LYZL1: variants seen among roughly 807,000 people sequenced by gnomAD.
LYZL1 encodes the protein lysozyme-like protein 1.
In LYZL1, 16 loss-of-function variants were observed where a neutral mutation model predicts 17.9. The observed-to-expected ratio is 0.90, with a 90% CI of 0.61 to 1.36. The LOEUF (loss-of-function observed/expected upper bound fraction) is 1.36. LYZL1 is among the 40% of genes most tolerant of loss of function. The pLI is 0.00. For missense variants in LYZL1, 149 were observed against 188.4 expected, an observed-to-expected ratio of 0.79 and a Z score of 1.22; for synonymous variants, 58 against 71.8, an observed-to-expected ratio of 0.81 and a Z score of 0.97.
chr10:29,306,252 G>GA (rs1332023815), intron 3 of LYZL1, among the ~76,000 whole-genome samples: 1 of 152,062 alleles, frequency 6.6e-6, no homozygotes, highest in Non-Finnish European at 1.5e-5. Context: ...AATGTAGCTA[G>GA]AAAAAATAAG....
intron 3 of LYZL1, among the ~76,000 whole-genome samples, chr10:29,309,079 A>G (rs1390338920): frequency 1.3e-5 from 2 of 152,158 alleles, no homozygotes; most frequent in Admixed American, 6.5e-5. Flanking sequence ...CTGTAATCCC[A>G]GCACTTTGGG....
At chr10:29,293,122 CTTTTCTT>C (rs1265399120) in intron 3 of LYZL1, among the ~76,000 whole-genome samples, 22 of 96,848 alleles carry the variant, frequency 2.3e-4, no homozygotes, top group Admixed American at 5.7e-4. Flanking sequence ...TTTTTCTTTT[CTTTTCTT>C]TTTTCTTTTT....
chr10:29,301,043 G>A (rs910602833), intron 3 of LYZL1, among the ~76,000 whole-genome samples: 4 of 151,962 alleles, frequency 2.6e-5, no homozygotes, highest in Admixed American at 6.6e-5. Flanking sequence ...TGTCCCCACC[G>A]AAATCTCATC....
intron 3 of LYZL1, among the ~76,000 whole-genome samples, chr10:29,307,388 T>G (rs910551657): frequency 2.0e-5 from 3 of 152,236 alleles, no homozygotes; most frequent in South Asian, 2.1e-4. Flanking sequence ...TCTTCCTTCC[T>G]TCACTTAGCA....
intron 3 of LYZL1, 94 bp downstream of exon 3, chr10:29,292,771 T>G (rs1300268961): frequency 6.6e-7 from 1 of 1,524,492 alleles, no homozygotes; most frequent in Non-Finnish European, 8.8e-7. Context: ...AACTAAAATT[T>G]GGAGTTCAGG....
chr10:29,305,521 G>A (rs1371840617), intron 3 of LYZL1, among the ~76,000 whole-genome samples: 2 of 152,196 alleles, frequency 1.3e-5, no homozygotes, highest in Non-Finnish European at 2.9e-5. Context: ...TTTGCGTGAA[G>A]AGATTTAACA....
intron 3 of LYZL1, among the ~76,000 whole-genome samples, chr10:29,297,210 T>C (rs189859317): frequency 6.6e-6 from 1 of 150,990 alleles, no homozygotes; most frequent in East Asian, 1.9e-4. Flanking sequence ...ATTGAAGAAA[T>C]CTCTCTAAAA....
intron 1 of LYZL1, among the ~76,000 whole-genome samples, chr10:29,289,935 A>G (rs1196776425): frequency 6.6e-6 from 1 of 152,222 alleles, no homozygotes; most frequent in African/African-American, 2.4e-5. Flanking sequence ...ATGTTTCAAT[A>G]AAACTTTACA....
At chr10:29,301,253 C>T (rs1835515206) in intron 3 of LYZL1, among the ~76,000 whole-genome samples, 1 of 152,194 alleles carries the variant, frequency 6.6e-6, no homozygotes, top group Admixed American at 6.5e-5. Context: ...ATGACTTGCT[C>T]CTCCTTGCCT....
Position 29,292,514 on chromosome 10 carries a change from T to G in LYZL1, c.140-5T>G, listed in dbSNP as rs1458214523. ...TGCTGGCGTTTCTGGCTTTCCCCCCTCCAGGGATCTGCATGGCATATTATG... is the reference window on the plus strand; with the variant it reads ...TGCTGGCGTTTCTGGCTTTCCCCCCGCCAGGGATCTGCATGGCATATTATG... On this transcript the variant is annotated splice_region_variant and splice_polypyrimidine_tract_variant and intron_variant, in intron 2 of 4. Transcript: ENST00000649382. The G allele has an allele frequency of 6.2e-7, 1 of 1,612,696 alleles. No individual in the cohort carries two copies. The highest frequency in any genetic ancestry group is 1.7e-5 in the Admixed American group (1 of 59,692).
chr10:29,308,250 G>A (rs1451047564), intron 3 of LYZL1, among the ~76,000 whole-genome samples: 1 of 152,176 alleles, frequency 6.6e-6, no homozygotes, highest in Non-Finnish European at 1.5e-5. Flanking sequence ...TCCCTTCCGG[G>A]GTGACCCACA....
downstream of LYZL1, among the ~76,000 whole-genome samples, chr10:29,315,443 G>A (rs896014764): frequency 4.6e-5 from 7 of 151,952 alleles, no homozygotes; most frequent in East Asian, 5.8e-4. Context: ...ACACTGAGGC[G>A]GAGGTTGCAG....
chr10:29,314,204 T>A (rs1287515513), downstream of LYZL1, among the ~76,000 whole-genome samples: 1 of 152,164 alleles, frequency 6.6e-6, no homozygotes, highest in East Asian at 1.9e-4. Flanking sequence ...AGCTCTTGCC[T>A]CTGAACACAT....
rs779933254 is a variant in LYZL1 at position 29,311,051 on chromosome 10, G to A, written c.439G>A (p.Val147Ile). ...DLSEWKKGCE[V>I]S Reference sequence around the variant, plus strand: ...GTCCGAGTGGAAAAAAGGCTGTGAGGTTTCCTAAACTGGAACTGGACCCAG... The same window carrying A: ...GTCCGAGTGGAAAAAAGGCTGTGAGATTTCCTAAACTGGAACTGGACCCAG... The change falls in exon 5 of 5, where the codon GTT (valine) becomes ATT (isoleucine). Residue 147 changes from valine (V) to isoleucine (I), a missense_variant. This residue lies in a region of LYZL1 where 130 missense variants were observed against 132.5 expected (regional missense o/e 0.98). Transcript: ENST00000649382. 21 of 1,614,182 alleles carry A rather than the reference G, an allele frequency of 1.3e-5. No homozygotes were observed. The South Asian group carries it at 2.2e-4, about 17-fold the overall frequency.
At chr10:29,302,286 G>A (rs900176581) in intron 3 of LYZL1, among the ~76,000 whole-genome samples, 1 of 152,158 alleles carries the variant, frequency 6.6e-6, no homozygotes, top group African/African-American at 2.4e-5. Context: ...ACACAGCAAA[G>A]GAGATGTAGC....
rs528019369 is a variant in LYZL1, at chr10:29,304,048, A to G, written c.299-6062A>G. The stretch of plus-strand genomic sequence containing the variant: ...AGTGCTGGGATTACAGGCGTGAGCC[A>G]CTGCACCTAGCCCGTGACCATTTTC... On this transcript the variant is annotated intron_variant, in intron 3 of 4. Transcript: ENST00000649382. Among the ~76,000 whole-genome samples, 3 of 152,332 alleles carry G rather than the reference A, an allele frequency of 2.0e-5. No homozygotes were observed. In the South Asian group the frequency reaches 6.2e-4, roughly 32 times the overall value.
At chr10:29,309,555 G>A (rs1378210063) in intron 3 of LYZL1, among the ~76,000 whole-genome samples, 1 of 151,950 alleles carries the variant, frequency 6.6e-6, no homozygotes, top group Non-Finnish European at 1.5e-5. Context: ...GGAGTGCAGT[G>A]GTGTGAACAC....
chr10:29,314,472 C>T (rs961646239), downstream of LYZL1, among the ~76,000 whole-genome samples: 29 of 152,216 alleles, frequency 1.9e-4, no homozygotes, highest in Admixed American at 4.6e-4. Flanking sequence ...AGATTAGCTG[C>T]GTGTGGTGGT....
intron 4 of LYZL1, 152 bp downstream of exon 4, chr10:29,310,340 T>C: frequency 1.6e-6 from 1 of 619,898 alleles, no homozygotes; most frequent in Non-Finnish European, 2.9e-6. Context: ...CATCAGTGTG[T>C]GGGTGTGCAG....
Sources: gnomAD v4.1 joint callset for allele counts (sites outside exome capture counted in the v4.1 genomes callset) on GRCh38, gnomAD v4.1.1 for gene constraint, gnomAD v4.1.1 regional missense constraint, MANE v1.5 for transcripts, NCBI Gene and HGNC (gene_info 2026-07-23, HGNC 2026-07-21) for gene names.